The following FZD10 variants were observed in gnomAD, a reference collection of about 807,000 sequenced individuals.
The protein encoded by FZD10 is frizzled-10.
A neutral mutation model predicts 24.4 loss-of-function variants in FZD10; 14 were observed. That is an observed-to-expected ratio of 0.57 (90% CI 0.38 to 0.90). The LOEUF (loss-of-function observed/expected upper bound fraction) is 0.90, where lower values mean the gene tolerates loss of function less well. Among genes scored for constraint, FZD10 ranks in the 40% least tolerant of loss-of-function variants. The probability of loss-of-function intolerance (pLI) is 0.00; values close to 1 mark genes in which losing one functional copy is unlikely to be tolerated. For missense variants in FZD10, 775 were observed against 816.6 expected, an observed-to-expected ratio of 0.95 and a Z score of 0.62; for synonymous variants, 381 against 349.1, an observed-to-expected ratio of 1.09 and a Z score of -1.02.
chr12:130,163,702 GC>G lies in FZD10; in HGVS notation c.763del (p.Arg255AlafsTer110). ...CGTGCTCACCTTCCTCATCGACCCG[GC>G]CCGCTTCCGCTACCCCGAGCGCCCC... ...FTVLTFLIDP[A>X]RFRYPERPII... On this transcript the variant is annotated frameshift_variant, in exon 1 of 1. Coordinates refer to ENST00000229030, the MANE Select transcript of FZD10 (RefSeq NM_007197.4). LOFTEE classifies it high-confidence loss of function. The G allele has an allele frequency of 6.2e-7, 1 of 1,613,726 alleles. No individual in the cohort carries two copies. The highest frequency in any genetic ancestry group is 8.5e-7 in the Non-Finnish European group (1 of 1,180,038).
At position 130,164,565 on chromosome 12, in the gene FZD10, G is replaced by A; in HGVS notation, c.1623G>A (p.Lys541=). 6.2e-7 allele frequency: 1 copy of A among 1,613,088 alleles called. No homozygotes were observed. The highest frequency in any genetic ancestry group is 8.5e-7 in the Non-Finnish European group (1 of 1,180,014). Residue 541 remains lysine (K), a synonymous_variant, in exon 1 of 1, where the codon AAG becomes AAA. Coordinates refer to ENST00000229030, the MANE Select transcript of FZD10 (RefSeq NM_007197.4). This position sits in a 1 kb window ranked among gnomAD's most constrained non-coding sequence, Gnocchi z 5.3. Reference sequence around the variant, plus strand: ...AGGTGTGCAGCCGTAGGTTAAAGAAGAAGAGCCGGAGAAAACCGGCCAGCG... The same window carrying A: ...AGGTGTGCAGCCGTAGGTTAAAGAAAAAGAGCCGGAGAAAACCGGCCAGCG... ...WQQVCSRRLK[K]KSRRKPASVI... is the part of the protein sequence containing the mutation.
At position 130,164,082 on chromosome 12, in the gene FZD10, C is replaced by T. The variant is rs202011834; in HGVS notation, c.1140C>T (p.Leu380=). 8.0e-5 allele frequency: 129 copies of T among 1,613,508 alleles called. No individual in the cohort carries two copies. Among genetic ancestry groups the T allele is most frequent in the Admixed American group, 1.7e-4 (10 of 60,006 alleles). Residue 380 remains leucine (L), a synonymous_variant, in exon 1 of 1, where the codon CTC becomes CTT. Transcript: ENST00000229030. This position sits in a 1 kb window ranked among gnomAD's most constrained non-coding sequence, Gnocchi z 5.3. ...TGCGCAGGGTGGCGGGGGACGAGCTCACCGGGGTCTGCTACGTGGGCAGCA... is the reference window on the plus strand; with the variant it reads ...TGCGCAGGGTGGCGGGGGACGAGCTTACCGGGGTCTGCTACGTGGGCAGCA... ...LVMRRVAGDE[L]TGVCYVGSMD...
chr12:130,165,603 CAG>C lies in FZD10; in HGVS notation c.*919_*920del. The C allele has an allele frequency of 6.0e-6, 1 of 167,052 alleles. No individual in the cohort carries two copies. 10.3% of individuals were successfully genotyped at this position (167,052 alleles called of 1,614,324 possible). A position where few individuals can be genotyped will look rare whatever the true frequency, so the allele number is the denominator to read the frequency against. On this transcript the variant is annotated 3_prime_UTR_variant, in exon 1 of 1. Coordinates refer to ENST00000229030, the MANE Select transcript of FZD10 (RefSeq NM_007197.4). Reference sequence around the variant, plus strand: ...AACAGATCAGGAAGCACTAGGTTGGCAGAGACACTTTGTCTAGTGTATTCTCT... The same window carrying C: ...AACAGATCAGGAAGCACTAGGTTGGCAGACACTTTGTCTAGTGTATTCTCT...
At position 130,162,843 on chromosome 12, in the gene FZD10, C is replaced by T. The variant is rs1278161890; in HGVS notation, c.-100C>T. The T allele has an allele frequency of 1.6e-5, 14 of 867,886 alleles. No individual in the cohort carries two copies. Among genetic ancestry groups the T allele is most frequent in the African/African-American group, 5.4e-5 (3 of 55,562 alleles). The allele number at this position is 867,886 out of a possible 1,614,324, so 53.8% of individuals were successfully genotyped here. ...AGGCCGGGCGGGCATGGGCGGGGGC[C>T]CGAGCAGGGGTGGAGAGCCGGGGCC... On this transcript the variant is annotated 5_prime_UTR_variant, in exon 1 of 1. Transcript: ENST00000229030.
In FZD10 at chr12:130,163,237, G is replaced by T. The variant is rs1404656452; in HGVS notation, c.295G>T (p.Val99Phe). 1 of 1,613,042 alleles carries T rather than the reference G, an allele frequency of 6.2e-7. No individual in the cohort carries two copies. The highest frequency in any genetic ancestry group is 8.5e-7 in the Non-Finnish European group (1 of 1,179,976). Residue 99 changes from valine to phenylalanine, a missense_variant, in exon 1 of 1, where the codon GTC becomes TTC. By Grantham distance (50) the Val-to-Phe change is conservative. Transcript: ENST00000229030. ...SLYAPMCTEQ[V>F]STPIPACRVM... ...GTACGCGCCGATGTGCACCGAGCAG[G>T]TCTCTACCCCCATCCCCGCCTGCCG...
Position 130,164,672 on chromosome 12 carries a change from C to G in FZD10, c.1730C>G (p.Ser577Trp). Residue 577 changes from serine (S) to tryptophan (W), a missense_variant, in exon 1 of 1, where the codon TCG (serine) becomes TGG (tryptophan). Ser to Trp is a radical substitution (Grantham distance 177). Transcript: ENST00000229030. The surrounding 1 kb of genome is among the most constrained non-coding windows in gnomAD (Gnocchi z 5.3). Reference protein sequence around the residue: ...HHGKYEIPAQSPTCV With the variant: ...HHGKYEIPAQWPTCV ...GGGAAATATGAGATCCCTGCCCAGT[C>G]GCCCACCTGCGTGTGAACAGGGCTG... 6.2e-7 allele frequency: 1 copy of G among 1,604,842 alleles called. No individual in the cohort carries two copies. The highest frequency in any genetic ancestry group is 8.5e-7 in the Non-Finnish European group (1 of 1,175,616).
rs767090162 is a variant in FZD10 at position 130,164,512 on chromosome 12, A to G, written c.1570A>G (p.Thr524Ala). The change falls in exon 1 of 1, where the codon ACC (threonine) becomes GCC (alanine). Residue 524 changes from threonine to alanine, a missense_variant. Physicochemically the swap from Thr to Ala is moderately conservative, Grantham distance 58. Coordinates refer to ENST00000229030, the MANE Select transcript of FZD10 (RefSeq NM_007197.4). The surrounding 1 kb of genome is among the most constrained non-coding windows in gnomAD (Gnocchi z 5.3). The stretch of plus-strand genomic sequence containing the variant: ...GATCACCAGCGGGATGTGGATTTGG[A>G]CCTCCAAGACTCTGCAGTCCTGGCA... ...VGITSGMWIW[T>A]SKTLQSWQQV... 6.2e-7 allele frequency: 1 copy of G among 1,613,234 alleles called. No individual in the cohort carries two copies. Among genetic ancestry groups the G allele is most frequent in the Admixed American group, 1.7e-5 (1 of 60,020 alleles).
rs112917999 is a variant in FZD10, at chr12:130,163,332, C to T, written c.390C>T (p.Asp130=). ...IMEQFNFKWP[D]SLDCRKLPNK... is the part of the protein sequence containing the mutation. Reference sequence around the variant, plus strand: ...AGCAGTTCAACTTCAAGTGGCCCGACTCCCTGGACTGCCGGAAACTCCCCA... The same window carrying T: ...AGCAGTTCAACTTCAAGTGGCCCGATTCCCTGGACTGCCGGAAACTCCCCA... Residue 130 remains aspartate (D), a synonymous_variant, in exon 1 of 1, where the codon GAC becomes GAT. Coordinates refer to ENST00000229030, the MANE Select transcript of FZD10 (RefSeq NM_007197.4). 1 of 1,613,112 alleles carries T rather than the reference C, an allele frequency of 6.2e-7. No individual in the cohort carries two copies. Among genetic ancestry groups the T allele is most frequent in the Non-Finnish European group, 8.5e-7 (1 of 1,180,000 alleles).
At position 130,164,668 on chromosome 12, in the gene FZD10, CA is replaced by C. The variant is rs1566096878; in HGVS notation, c.1727del (p.Gln576ArgfsTer20). The C allele has an allele frequency of 6.2e-7, 1 of 1,606,816 alleles. No individual in the cohort carries two copies. Among genetic ancestry groups the C allele is most frequent in the East Asian group, 2.2e-5 (1 of 44,806 alleles). On this transcript the variant is annotated frameshift_variant, in exon 1 of 1. Transcript: ENST00000229030. LOFTEE classifies it high-confidence loss of function. The surrounding 1 kb of genome is among the most constrained non-coding windows in gnomAD (Gnocchi z 5.3). ...CCACGGGAAATATGAGATCCCTGCC[CA>C]GTCGCCCACCTGCGTGTGAACAGGG... is the stretch of plus-strand genomic sequence containing the variant. Reference protein sequence around the residue: ...THHGKYEIPAQSPTCV With the variant: ...THHGKYEIPAXSPTCV
In FZD10 at chr12:130,162,937, G is replaced by A. The variant is rs911159556; in HGVS notation, c.-6G>A. 16 of 1,509,694 alleles carry A rather than the reference G, an allele frequency of 1.1e-5. No individual in the cohort carries two copies. Among genetic ancestry groups the A allele is most frequent in the Non-Finnish European group, 1.3e-5 (15 of 1,124,878 alleles). The allele number at this position is 1,509,694 out of a possible 1,614,324, so 93.5% of individuals were successfully genotyped here. A position where few individuals can be genotyped will look rare whatever the true frequency, so the allele number is the denominator to read the frequency against. ...AGCTCCCCGCGAGGACACGTCCAAC[G>A]CCAGCATGCAGCGCCCGGGCCCCCG... On this transcript the variant is annotated 5_prime_UTR_variant, in exon 1 of 1. Coordinates refer to ENST00000229030, the MANE Select transcript of FZD10 (RefSeq NM_007197.4).
chr12:130,164,228 C>A lies in FZD10; in HGVS notation c.1286C>A (p.Thr429Lys), dbSNP rs978756233. ...ALFHIRRVMK[T>K]GGENTDKLEK... ...TTCCACATCCGGAGGGTGATGAAGA[C>A]GGGCGGCGAGAACACGGACAAGCTG... Residue 429 changes from threonine to lysine, a missense_variant, in exon 1 of 1, where the codon ACG (threonine) becomes AAG (lysine). Physicochemically the swap from Thr to Lys is moderately conservative, Grantham distance 78. Transcript: ENST00000229030. The surrounding 1 kb of genome is among the most constrained non-coding windows in gnomAD (Gnocchi z 5.3). 3.7e-6 allele frequency: 6 copies of A among 1,614,118 alleles called. No homozygotes were observed. In the South Asian group the frequency reaches 5.5e-5, roughly 15 times the overall value.
rs1181953334 is a variant in FZD10, at chr12:130,165,484, T to A, written c.*796T>A. On this transcript the variant is annotated 3_prime_UTR_variant, in exon 1 of 1. Coordinates refer to ENST00000229030, the MANE Select transcript of FZD10 (RefSeq NM_007197.4). ...AATGTTATAGACGTTTGGACTGATT[T>A]GTGGAAAGGAGGGGGGAAGAGGGAG... 3 of 167,004 alleles carry A rather than the reference T, an allele frequency of 1.8e-5. No homozygotes were observed. The highest frequency in any genetic ancestry group is 4.4e-5 in the Non-Finnish European group (3 of 68,112). The allele number at this position is 167,004 out of a possible 1,614,324, so 10.3% of individuals were successfully genotyped here.
rs1871701252 is a variant in FZD10 at position 130,163,034 on chromosome 12, A to G, written c.92A>G (p.Asp31Gly). Reference sequence around the variant, plus strand: ...TCCATGGACATGGAGCGCCCGGGCGACGGCAAATGCCAGCCCATCGAGATC... The same window carrying G: ...TCCATGGACATGGAGCGCCCGGGCGGCGGCAAATGCCAGCCCATCGAGATC... ...ISSMDMERPG[D>G]GKCQPIEIPM... Residue 31 changes from aspartate to glycine, a missense_variant, in exon 1 of 1, where the codon GAC becomes GGC. Asp to Gly is a moderately conservative substitution (Grantham distance 94, BLOSUM62 -1). Transcript: ENST00000229030. The G allele has an allele frequency of 6.2e-7, 1 of 1,611,944 alleles. No individual in the cohort carries two copies. Among genetic ancestry groups the G allele is most frequent in the Non-Finnish European group, 8.5e-7 (1 of 1,179,654 alleles).
rs1308318621 is a variant in FZD10 at position 130,164,334 on chromosome 12, C to T, written c.1392C>T (p.Tyr464=). ...CCTGTGTGATCGCCTGCTACTTTTA[C>T]GAACGCCTCAACATGGATTACTGGA... ...PATCVIACYF[Y]ERLNMDYWKI... is the part of the protein sequence containing the mutation. The change falls in exon 1 of 1, where the codon TAC becomes TAT. Residue 464 remains tyrosine, a synonymous_variant. Coordinates refer to ENST00000229030, the MANE Select transcript of FZD10 (RefSeq NM_007197.4). This position sits in a 1 kb window ranked among gnomAD's most constrained non-coding sequence, Gnocchi z 5.3. The T allele has an allele frequency of 1.9e-6, 3 of 1,614,020 alleles. No homozygotes were observed. Among genetic ancestry groups the T allele is most frequent in the Admixed American group, 3.3e-5 (2 of 60,010 alleles).
At position 130,163,933 on chromosome 12, in the gene FZD10, A is replaced by T. The variant is rs768091860; in HGVS notation, c.991A>T (p.Thr331Ser). Residue 331 changes from threonine to serine, a missense_variant, in exon 1 of 1, where the codon ACG (threonine) becomes TCG (serine). Coordinates refer to ENST00000229030, the MANE Select transcript of FZD10 (RefSeq NM_007197.4). ...CAGCTCGCTGTGGTGGGTGGTCCTC[A>T]CGCTCACCTGGTTCCTGGCCGCCGG... is the stretch of plus-strand genomic sequence containing the variant. ...MASSLWWVVL[T>S]LTWFLAAGKK... The T allele has an allele frequency of 6.2e-7, 1 of 1,613,724 alleles. No individual in the cohort carries two copies. The highest frequency in any genetic ancestry group is 1.1e-5 in the South Asian group (1 of 91,082).
In FZD10 at chr12:130,164,136, G is replaced by C; in HGVS notation, c.1194G>C (p.Val398=). 1.9e-6 allele frequency: 3 copies of C among 1,613,944 alleles called. No individual in the cohort carries two copies. Among genetic ancestry groups the C allele is most frequent in the Non-Finnish European group, 2.5e-6 (3 of 1,180,020 alleles). ...SMDVNALTGF[V]LIPLACYLVI... is the part of the protein sequence containing the mutation. ...ACGTCAACGCGCTCACCGGCTTCGTGCTCATTCCCCTGGCCTGCTACCTGG... is the reference window on the plus strand; with the variant it reads ...ACGTCAACGCGCTCACCGGCTTCGTCCTCATTCCCCTGGCCTGCTACCTGG... The change falls in exon 1 of 1, where the codon GTG becomes GTC. Residue 398 remains valine, a synonymous_variant. Coordinates refer to ENST00000229030, the MANE Select transcript of FZD10 (RefSeq NM_007197.4). This position sits in a 1 kb window ranked among gnomAD's most constrained non-coding sequence, Gnocchi z 5.3.
In FZD10 at chr12:130,163,698, C is replaced by T; in HGVS notation, c.756C>T (p.Asp252=). Residue 252 remains aspartate (D), a synonymous_variant, in exon 1 of 1, where the codon GAC becomes GAT. Coordinates refer to ENST00000229030, the MANE Select transcript of FZD10 (RefSeq NM_007197.4). ...TCACCGTGCTCACCTTCCTCATCGA[C>T]CCGGCCCGCTTCCGCTACCCCGAGC... The part of the protein sequence containing the change: ...SAFTVLTFLI[D]PARFRYPERP... The T allele has an allele frequency of 1.9e-6, 3 of 1,613,828 alleles. No individual in the cohort carries two copies. Among genetic ancestry groups the T allele is most frequent in the Non-Finnish European group, 2.5e-6 (3 of 1,180,040 alleles).
Position 130,164,404 on chromosome 12 carries a change from A to G in FZD10, c.1462A>G (p.Lys488Glu). The stretch of plus-strand genomic sequence containing the variant: ...CAAGTGCAAAATGAACAACCAGACT[A>G]AAACGCTGGACTGCCTGATGGCCGC... ...QHKCKMNNQT[K>E]TLDCLMAASI... is the part of the protein sequence containing the mutation. Residue 488 changes from lysine to glutamate, a missense_variant, in exon 1 of 1, where the codon AAA becomes GAA. Lys to Glu is a moderately conservative substitution (Grantham distance 56). Transcript: ENST00000229030. This position sits in a 1 kb window ranked among gnomAD's most constrained non-coding sequence, Gnocchi z 5.3. 3 of 1,614,010 alleles carry G rather than the reference A, an allele frequency of 1.9e-6. No individual in the cohort carries two copies. The highest frequency in any genetic ancestry group is 4.5e-5 in the East Asian group (2 of 44,874).
chr12:130,162,696 G>T lies in FZD10; in HGVS notation c.-247G>T, dbSNP rs1291600527. 8.6e-6 allele frequency: 2 copies of T among 233,692 alleles called. No individual in the cohort carries two copies. The highest frequency in any genetic ancestry group is 1.7e-5 in the Non-Finnish European group (2 of 120,748). The allele number at this position is 233,692 out of a possible 1,614,324, so 14.5% of individuals were successfully genotyped here. A position where few individuals can be genotyped will look rare whatever the true frequency, so the allele number is the denominator to read the frequency against. On this transcript the variant is annotated 5_prime_UTR_variant, in exon 1 of 1. Coordinates refer to ENST00000229030, the MANE Select transcript of FZD10 (RefSeq NM_007197.4). ...GCCGGGCCGCTGCGCCGGGAGCTCC[G>T]GGGGCTTCCCTCGCTTCCCGGTATT...
Sources: allele counts gnomAD v4.1 joint callset, GRCh38; gene constraint gnomAD v4.1.1; non-coding constraint Gnocchi (gnomAD v3.1); transcripts MANE v1.5; gene names NCBI Gene and HGNC (gene_info 2026-07-23, HGNC 2026-07-21).